PDE4D: variants seen among roughly 807,000 people sequenced by gnomAD.
The protein encoded by PDE4D is phosphodiesterase 4D, also known as 3',5'-cyclic-AMP phosphodiesterase 4D.
A neutral mutation model predicts 87.4 loss-of-function variants in PDE4D; 24 were observed. The observed-to-expected ratio is 0.27, with a 90% CI of 0.20 to 0.39. PDE4D has a LOEUF of 0.39. Ranked by LOEUF, PDE4D falls within the 10% of genes least tolerant of loss-of-function variation. The pLI, the probability that PDE4D is intolerant of heterozygous loss-of-function variation, is 1.00. For synonymous variants in PDE4D, 384 were observed against 383.2 expected (o/e 1.00, Z -0.02); for missense variants, 714 against 1,041.0 (o/e 0.69, Z 4.32).
intron 3 of PDE4D, among the ~76,000 whole-genome samples, chr5:59,916,954 ATTTTTTTTTT>A (rs750105496): frequency 2.7e-5 from 2 of 73,616 alleles, no homozygotes; most frequent in Admixed American, 2.7e-4. Flanking sequence ...TGCCCGGCTA[ATTTTTTTTTT>A]TTTTTTTTTT....
intron 1 of PDE4D, among the ~76,000 whole-genome samples, chr5:60,342,976 T>G (rs927144121): frequency 2.0e-5 from 3 of 152,200 alleles, no homozygotes; most frequent in Non-Finnish European, 4.4e-5. Context: ...TCCTTTAAAT[T>G]TATTAATTTT....
chr5:59,999,998 C>T lies in PDE4D; in HGVS notation c.43-11281G>A, dbSNP rs183334782. On this transcript the variant is annotated intron_variant, in intron 2 of 16. Coordinates refer to the PDE4D transcript ENST00000502484. ...AAGCAGAAGAAAGAATAAATGAACT[C>T]AAAGAGAGGCCACTTAAAATTATGA... Among the ~76,000 whole-genome samples the T allele has an allele frequency of 2.3e-3, 346 of 151,432 alleles. 2 individuals are homozygous for T. The highest frequency in any genetic ancestry group is 8.2e-3 in the African/African-American group (338 of 41,268).
intron 6 of PDE4D, among the ~76,000 whole-genome samples, chr5:59,036,722 C>CGAATG (rs1490075210): frequency 2.0e-5 from 3 of 152,036 alleles, no homozygotes; most frequent in Admixed American, 6.5e-5. Flanking sequence ...AAAGAAGACA[C>CGAATG]GAATGGCTTG....
intron 1 of PDE4D, among the ~76,000 whole-genome samples, chr5:60,455,851 G>C (rs1746430167): frequency 6.6e-6 from 1 of 152,164 alleles, no homozygotes; most frequent in South Asian, 2.1e-4. Context: ...ACTCAAAGTA[G>C]TGCCTGCACT....
intron 2 of PDE4D, among the ~76,000 whole-genome samples, chr5:60,098,745 T>C (rs1411125998): frequency 6.6e-6 from 1 of 152,046 alleles, no homozygotes; most frequent in Non-Finnish European, 1.5e-5. Context: ...CCTTTACAAT[T>C]TGGATATTTT....
intron 2 of PDE4D, among the ~76,000 whole-genome samples, chr5:60,154,170 C>T (rs1781759665): frequency 6.6e-6 from 1 of 152,016 alleles, no homozygotes; most frequent in African/African-American, 2.4e-5. Context: ...CCCATGGCAT[C>T]ATGAGATCAT....
At chr5:59,572,237 T>C (rs943682074) in intron 1 of PDE4D, among the ~76,000 whole-genome samples, 5 of 152,200 alleles carry the variant, frequency 3.3e-5, no homozygotes, top group Admixed American at 6.5e-5. Context: ...ACAGATGGCA[T>C]AGGACTCAGG....
At chr5:59,610,644 A>C (rs1234917732) in intron 1 of PDE4D, among the ~76,000 whole-genome samples, 1 of 152,180 alleles carries the variant, frequency 6.6e-6, no homozygotes, top group African/African-American at 2.4e-5. Context: ...CAAAGATGTG[A>C]GCAGTTCAGC....
chr5:59,868,073 A>C (rs1434190593), intron 1 of PDE4D, among the ~76,000 whole-genome samples: 1 of 152,158 alleles, frequency 6.6e-6, no homozygotes, highest in Non-Finnish European at 1.5e-5. Context: ...GTCAGGTTGC[A>C]AAGTCAAGTA....
intron 1 of PDE4D, among the ~76,000 whole-genome samples, chr5:59,803,217 A>G (rs1313933195): frequency 2.0e-5 from 3 of 151,952 alleles, no homozygotes; most frequent in Non-Finnish European, 2.9e-5. Flanking sequence ...CAGCGTCACT[A>G]TCACCTGGGA....
At position 59,400,129 on chromosome 5, in the gene PDE4D, T is replaced by C; in HGVS notation, c.456-184161A>G. Among the ~76,000 whole-genome samples, 2 of 107,402 alleles carry C rather than the reference T, an allele frequency of 1.9e-5. 1 individual carries two copies. The highest frequency in any genetic ancestry group is 3.8e-5 in the Non-Finnish European group (2 of 52,550). 70.5% of individuals were successfully genotyped at this position (107,402 alleles called of 152,430 possible). A position where few individuals can be genotyped will look rare whatever the true frequency, so the allele number is the denominator to read the frequency against. On this transcript the variant is annotated intron_variant, in intron 1 of 14. Coordinates refer to ENST00000340635, the MANE Select transcript of PDE4D (RefSeq NM_001104631.2). Reference sequence around the variant, plus strand: ...GAGAAATAGGAACACTTTTACACTGTTGGTGGGACTGTAAACTAGTTCAAC... The same window carrying C: ...GAGAAATAGGAACACTTTTACACTGCTGGTGGGACTGTAAACTAGTTCAAC...
chr5:59,276,716 A>T (rs1462845901), intron 1 of PDE4D, among the ~76,000 whole-genome samples: 1 of 152,078 alleles, frequency 6.6e-6, no homozygotes, highest in Non-Finnish European at 1.5e-5. Flanking sequence ...TTTTAAAAAA[A>T]ATGCAAATTT....
At chr5:59,746,146 C>T (rs1490952077) in intron 1 of PDE4D, among the ~76,000 whole-genome samples, 2 of 152,024 alleles carry the variant, frequency 1.3e-5, no homozygotes, top group Non-Finnish European at 2.9e-5. Flanking sequence ...ACATCATATT[C>T]AAGAACAGGA....
intron 5 of PDE4D, among the ~76,000 whole-genome samples, chr5:59,162,371 A>C (rs1781231370): frequency 6.6e-6 from 1 of 151,888 alleles, no homozygotes; most frequent in Non-Finnish European, 1.5e-5. Context: ...ACCAGTTCAC[A>C]GACAGTTATT....
chr5:59,403,345 A>C (rs1791037699), intron 1 of PDE4D, among the ~76,000 whole-genome samples: 1 of 152,200 alleles, frequency 6.6e-6, no homozygotes, highest in Non-Finnish European at 1.5e-5. Context: ...TGTATGATAA[A>C]CTACTGTTGA....
intron 1 of PDE4D, among the ~76,000 whole-genome samples, chr5:59,518,445 G>A (rs1479680953): frequency 6.6e-6 from 1 of 152,106 alleles, no homozygotes; most frequent in African/African-American, 2.4e-5. Context: ...GTGCTGGGCT[G>A]TGCACTATGG....
chr5:60,478,624 C>T (rs1583891449), intron 1 of PDE4D, among the ~76,000 whole-genome samples: 1 of 152,194 alleles, frequency 6.6e-6, no homozygotes, highest in Admixed American at 6.5e-5. Flanking sequence ...TTGGCATAAG[C>T]ACTACCTCTT....
chr5:59,561,794 T>C (rs1337009195), intron 1 of PDE4D, among the ~76,000 whole-genome samples: 3 of 152,020 alleles, frequency 2.0e-5, no homozygotes, highest in African/African-American at 7.3e-5. Flanking sequence ...TAGCCAGGCA[T>C]GGTGGCATAT....
At chr5:59,771,470 A>AAAGAAAGAGAGAGAGAG (rs1763480064) in intron 1 of PDE4D, among the ~76,000 whole-genome samples, 1 of 92,338 alleles carries the variant, frequency 1.1e-5, no homozygotes, top group African/African-American at 4.9e-5. Context: ...AGAAAGAAAG[A>AAAGAAAGAGAGAGAGAG]AAGAAAGAAA....
Sources: gnomAD v4.1 joint callset for allele counts (sites outside exome capture counted in the v4.1 genomes callset) on GRCh38, gnomAD v4.1.1 for gene constraint, MANE v1.5 for transcripts, NCBI Gene and HGNC (gene_info 2026-07-23, HGNC 2026-07-21) for gene names.